The following TAFA5 variants were observed in gnomAD, a reference collection of about 807,000 sequenced individuals.
TAFA5 encodes TAFA chemokine like family member 5, also known as chemokine-like protein TAFA-5.
In TAFA5, 6 loss-of-function variants were observed where a neutral mutation model predicts 15.3. The observed-to-expected ratio is 0.39, with a 90% CI of 0.21 to 0.77. The LOEUF is 0.77. Ranked by LOEUF, TAFA5 falls within the 30% of genes least tolerant of loss-of-function variation. The probability of loss-of-function intolerance (pLI) is 0.41; values close to 1 mark genes in which losing one functional copy is unlikely to be tolerated. For synonymous variants in TAFA5, 103 were observed against 80.7 expected, an observed-to-expected ratio of 1.28 and a Z score of -1.48; for missense variants, 161 against 193.1, an observed-to-expected ratio of 0.83 and a Z score of 0.98.
intron 3 of TAFA5, among the ~76,000 whole-genome samples, chr22:48,727,833 CTTATTGACACGTTTAT>C (rs1302620741): frequency 6.6e-6 from 1 of 152,184 alleles, no homozygotes; most frequent in African/African-American, 2.4e-5. Flanking sequence ...GATACATTTA[CTTATTGACACGTTTAT>C]GCCTTACAGT....
At chr22:48,540,595 C>CCT (rs905611043) in intron 1 of TAFA5, among the ~76,000 whole-genome samples, 31 of 89,948 alleles carry the variant, frequency 3.4e-4, no homozygotes, top group Middle Eastern at 7.6e-3. Flanking sequence ...CAGGAGTTTG[C>CCT]CTTTTTTTTT....
At chr22:48,503,520 G>C (rs546567833) in intron 1 of TAFA5, among the ~76,000 whole-genome samples, 1 of 152,382 alleles carries the variant, frequency 6.6e-6, no homozygotes, top group East Asian at 1.9e-4. Context: ...AAGTGCCAGG[G>C]ACAGTGGAAG....
chr22:48,743,875 G>A (rs571626978), intron 3 of TAFA5, among the ~76,000 whole-genome samples: 3 of 152,222 alleles, frequency 2.0e-5, no homozygotes, highest in Admixed American at 6.5e-5. Context: ...TTCCTCAGCC[G>A]ATGCCCCCAC....
intron 3 of TAFA5, among the ~76,000 whole-genome samples, chr22:48,727,488 C>T (rs144299874): frequency 1.6e-3 from 236 of 152,208 alleles, no homozygotes; most frequent in Non-Finnish European, 2.6e-3. Flanking sequence ...TTCAACTAAA[C>T]CACTGAGAGT....
Position 48,542,638 on chromosome 22 carries a change from ATG to A in TAFA5, c.112+52945_112+52946del, listed in dbSNP as rs1555886629. On this transcript the variant is annotated intron_variant, in intron 1 of 3. Coordinates refer to ENST00000402357, the MANE Select transcript of TAFA5 (RefSeq NM_001082967.3). ...TGTGTGTGGTGTGTGTGGGTGTGTG[ATG>A]TGTGTGTGTGGTGTGTGTGTGGTGT... Among the ~76,000 whole-genome samples, 15 of 84,880 alleles carry A rather than the reference ATG, an allele frequency of 1.8e-4. 1 individual carries two copies. The highest frequency in any genetic ancestry group is 1.2e-3 in the Admixed American group (9 of 7,554). The allele number at this position is 84,880 out of a possible 152,430, so 55.7% of individuals were successfully genotyped here.
chr22:48,521,250 C>G (rs191187237), intron 1 of TAFA5, among the ~76,000 whole-genome samples: 1 of 152,208 alleles, frequency 6.6e-6, no homozygotes, highest in Admixed American at 6.5e-5. Flanking sequence ...AAAATAAAGT[C>G]AGTGCATTCC....
intron 1 of TAFA5, among the ~76,000 whole-genome samples, chr22:48,579,835 G>A (rs1923966881): frequency 6.6e-6 from 1 of 152,170 alleles, no homozygotes; most frequent in South Asian, 2.1e-4. Flanking sequence ...AGAGGTTTCT[G>A]GGCTTTGGCA....
chr22:48,654,258 G>A (rs1310453025), intron 2 of TAFA5, among the ~76,000 whole-genome samples: 1 of 152,112 alleles, frequency 6.6e-6, no homozygotes, highest in Admixed American at 6.5e-5. Context: ...CAGACACCTG[G>A]GCTGGGCCTG....
At chr22:48,576,430 T>A in intron 1 of TAFA5, 1 of 1,327,302 alleles carries the variant, frequency 7.5e-7, no homozygotes, top group South Asian at 2.0e-5. Flanking sequence ...ATGCGGCGCC[T>A]GGACCTTCGC....
chr22:48,612,095 G>A (rs1403647504), intron 1 of TAFA5, among the ~76,000 whole-genome samples: 1 of 152,112 alleles, frequency 6.6e-6, no homozygotes, highest in Non-Finnish European at 1.5e-5. Flanking sequence ...TGTGGTCAGG[G>A]CCAGAATTCC....
chr22:48,546,410 G>T, intron 1 of TAFA5: 1 of 452,992 alleles, frequency 2.2e-6, no homozygotes. Flanking sequence ...GGCTCTTGGA[G>T]GTCCCCGAGT....
intron 1 of TAFA5, among the ~76,000 whole-genome samples, chr22:48,609,004 G>A (rs571707415): frequency 2.6e-5 from 4 of 152,348 alleles, no homozygotes; most frequent in South Asian, 2.1e-4. Context: ...ATTCTTACAC[G>A]TCAAGTGGGT....
chr22:48,526,426 C>T (rs1434424213), intron 1 of TAFA5, among the ~76,000 whole-genome samples: 3 of 152,200 alleles, frequency 2.0e-5, no homozygotes, highest in Non-Finnish European at 4.4e-5. Context: ...CAGGAGCTGT[C>T]GCCCCAGACA....
chr22:48,519,434 C>G (rs1921529278), intron 1 of TAFA5, among the ~76,000 whole-genome samples: 1 of 152,202 alleles, frequency 6.6e-6, no homozygotes, highest in African/African-American at 2.4e-5. Flanking sequence ...GCTGTGGTCT[C>G]CAGGGCGGCC....
chr22:48,539,469 T>G (rs1367104493), intron 1 of TAFA5: 1 of 471,020 alleles, frequency 2.1e-6, no homozygotes, highest in Non-Finnish European at 4.4e-6. Flanking sequence ...ACAAAGACAA[T>G]TATTGTGTTG....
chr22:48,690,795 C>G (rs1378129190), intron 2 of TAFA5, among the ~76,000 whole-genome samples: 1 of 152,188 alleles, frequency 6.6e-6, no homozygotes, highest in African/African-American at 2.4e-5. Context: ...TTGGCCTCTG[C>G]CCAGGAGGCT....
intron 3 of TAFA5, among the ~76,000 whole-genome samples, chr22:48,711,903 CAG>C (rs1929266494): frequency 6.6e-6 from 1 of 152,242 alleles, no homozygotes. Context: ...GTGGCGCCAC[CAG>C]AGTGTGGGTC....
chr22:48,531,451 G>A (rs541993239), intron 1 of TAFA5, among the ~76,000 whole-genome samples: 21 of 152,294 alleles, frequency 1.4e-4, no homozygotes, highest in African/African-American at 5.1e-4. Flanking sequence ...CCGCCCCGGT[G>A]CCCTGTGGCC....
chr22:48,638,767 CCCCCA>C lies in TAFA5; in HGVS notation c.113-7829_113-7825del, dbSNP rs533456843. On this transcript the variant is annotated intron_variant, in intron 1 of 3. Coordinates refer to ENST00000402357, the MANE Select transcript of TAFA5 (RefSeq NM_001082967.3). ...GGGACACCACACACAGGCGGGACCC[CCCCCA>C]TCCCCCGACACTAAGCCCTGGGTCA... is the stretch of plus-strand genomic sequence containing the variant. Among the ~76,000 whole-genome samples the C allele has an allele frequency of 4.3e-3, 533 of 123,236 alleles. 35 individuals carry two copies. The highest frequency in any genetic ancestry group is 0.018 in the African/African-American group (479 of 26,602). The allele number at this position is 123,236 out of a possible 152,430, so 80.8% of individuals were successfully genotyped here.
Sources: gnomAD v4.1 joint callset for allele counts (sites outside exome capture counted in the v4.1 genomes callset) on GRCh38, gnomAD v4.1.1 for gene constraint, MANE v1.5 for transcripts, NCBI Gene and HGNC (gene_info 2026-07-23, HGNC 2026-07-21) for gene names.